The following CYB5R1 variants were observed in gnomAD, a reference collection of about 807,000 sequenced individuals.
The protein encoded by CYB5R1 is cytochrome b5 reductase 1.
A neutral mutation model predicts 37.4 loss-of-function variants in CYB5R1; 32 were observed. The ratio of observed to expected loss-of-function variants is 0.86; its 90% CI spans 0.65 to 1.15. The LOEUF (loss-of-function observed/expected upper bound fraction) is 1.15, where lower values mean the gene tolerates loss of function less well. CYB5R1 is among the 50% of genes most tolerant of loss of function. The pLI is 0.00. For synonymous variants in CYB5R1, 159 were observed against 155.2 expected, an observed-to-expected ratio of 1.02 and a Z score of -0.18; for missense variants, 345 against 382.5, an observed-to-expected ratio of 0.90 and a Z score of 0.82.
At position 202,964,501 on chromosome 1, in the gene CYB5R1, C is replaced by A. The variant is rs557157874; in HGVS notation, c.559+111G>T. 5 of 892,808 alleles carry A rather than the reference C, an allele frequency of 5.6e-6. No homozygotes were observed. The African/African-American group carries it at 6.6e-5, about 12-fold the overall frequency. 55.3% of individuals were successfully genotyped at this position (892,808 alleles called of 1,614,324 possible). On this transcript the variant is annotated intron_variant, in intron 6 of 8. Coordinates refer to ENST00000367249, the MANE Select transcript of CYB5R1 (RefSeq NM_016243.3). ...GGAGTTCTAAGCATTGCTGGAAATC[C>A]CCTGATGAACAACAGCTTGGCTATG...
At chr1:202,966,433 C>T (rs937075065) in intron 3 of CYB5R1, 95 bp downstream of exon 3, 1 of 1,414,214 alleles carries the variant, frequency 7.1e-7, no homozygotes, top group Non-Finnish European at 9.9e-7. Flanking sequence ...GTGTGTGGAG[C>T]AAACCGGTTG....
Position 202,962,394 on chromosome 1 carries a change from T to A in CYB5R1, c.*133A>T. 2.7e-6 allele frequency: 3 copies of A among 1,097,358 alleles called. No individual in the cohort carries two copies. The highest frequency in any genetic ancestry group is 4.8e-5 in the Admixed American group (2 of 41,968). The allele number at this position is 1,097,358 out of a possible 1,614,324, so 68.0% of individuals were successfully genotyped here. A position where few individuals can be genotyped will look rare whatever the true frequency, so the allele number is the denominator to read the frequency against. ...GCTACAGGAATATTGTTCCTGCAGG[T>A]ACTATCCAGATTTCAGCTCTAGATG... is the stretch of plus-strand genomic sequence containing the variant. On this transcript the variant is annotated 3_prime_UTR_variant, in exon 9 of 9. Transcript: ENST00000367249.
At chr1:202,963,804 TTTCATC>T (rs1394563340) in intron 6 of CYB5R1, 77 bp from the exon 7 acceptor site, 3 of 928,870 alleles carry the variant, frequency 3.2e-6, no homozygotes, top group Non-Finnish European at 4.7e-6. Flanking sequence ...TGACCAGCCC[TTTCATC>T]TTCATTCTGC....
chr1:202,963,218 A>C, intron 7 of CYB5R1, 53 bp from the exon 8 acceptor site: 1 of 1,376,500 alleles, frequency 7.3e-7, no homozygotes, highest in Admixed American at 1.8e-5. Context: ...GGCCCACATA[A>C]AAAGTTTTCT....
At chr1:202,966,022 GGTTGTCTGT>G in intron 3 of CYB5R1, 29 bp from the exon 4 acceptor site, 6 of 1,440,030 alleles carry the variant, frequency 4.2e-6, no homozygotes, top group Non-Finnish European at 4.9e-6. Context: ...GCTACATAAG[GGTTGTCTGT>G]GATGTGCTGC....
At position 202,963,569 on chromosome 1, in the gene CYB5R1, C is replaced by T. The variant is rs1655035094; in HGVS notation, c.645+73G>A. On this transcript the variant is annotated intron_variant, in intron 7 of 8. Coordinates refer to ENST00000367249, the MANE Select transcript of CYB5R1 (RefSeq NM_016243.3). ...AACAGGGCACTGGGCCAGTTCTGCCCATCCATACCACGTCTCTCAGCCCTA... is the reference window on the plus strand; with the variant it reads ...AACAGGGCACTGGGCCAGTTCTGCCTATCCATACCACGTCTCTCAGCCCTA... The T allele has an allele frequency of 8.7e-6, 10 of 1,150,708 alleles. 1 individual carries two copies. The Middle Eastern group carries it at 1.2e-3, about 137-fold the overall frequency. 71.3% of individuals were successfully genotyped at this position (1,150,708 alleles called of 1,614,324 possible). A position where few individuals can be genotyped will look rare whatever the true frequency, so the allele number is the denominator to read the frequency against.
Position 202,965,395 on chromosome 1 carries a change from C to T in CYB5R1, c.451G>A (p.Gly151Arg), listed in dbSNP as rs781312449. ...GDVVEFRGPS[G>R]LLTYTGKGHF... Reference sequence around the variant, plus strand: ...CCTTTTCCAGTGTAAGTGAGCAACCCGCTTGGCCCCCGAAACTCCACCACA... The same window carrying T: ...CCTTTTCCAGTGTAAGTGAGCAACCTGCTTGGCCCCCGAAACTCCACCACA... The change falls in exon 5 of 9, where the codon GGG (glycine) becomes AGG (arginine). Residue 151 changes from glycine to arginine, a missense_variant. Coordinates refer to ENST00000367249, the MANE Select transcript of CYB5R1 (RefSeq NM_016243.3). 29 of 1,599,392 alleles carry T rather than the reference C, an allele frequency of 1.8e-5. No individual in the cohort carries two copies. Among genetic ancestry groups the T allele is most frequent in the Non-Finnish European group, 2.2e-5 (26 of 1,173,198 alleles).
chr1:202,962,628 C>T lies in CYB5R1; in HGVS notation c.817G>A (p.Val273Met). 6.2e-7 allele frequency: 1 copy of T among 1,614,196 alleles called. No homozygotes were observed. Among genetic ancestry groups the T allele is most frequent in the South Asian group, 1.1e-5 (1 of 91,084 alleles). Reference sequence around the variant, plus strand: ...GGTGGCCCACAAAGCAGTACCAGCACATCATCCCCTGGAGCGGGCAGGTGT... The same window carrying T: ...GGTGGCCCACAAAGCAGTACCAGCATATCATCCCCTGGAGCGGGCAGGTGT... The part of the protein sequence containing the change: ...REHLPAPGDD[V>M]LVLLCGPPPM... The change falls in exon 9 of 9, where the codon GTG becomes ATG. Residue 273 changes from valine (V) to methionine (M), a missense_variant. Physicochemically the swap from Val to Met is conservative, Grantham distance 21. Transcript: ENST00000367249.
Position 202,963,164 on chromosome 1 carries a change from G to A in CYB5R1, c.647C>T (p.Thr216Ile). 1 of 1,612,028 alleles carries A rather than the reference G, an allele frequency of 6.2e-7. No homozygotes were observed. The highest frequency in any genetic ancestry group is 8.5e-7 in the Non-Finnish European group (1 of 1,178,132). Residue 216 changes from threonine to isoleucine, a missense_variant and splice_region_variant, in exon 8 of 9, where the codon ACA (threonine) becomes ATA (isoleucine). Coordinates refer to ENST00000367249, the MANE Select transcript of CYB5R1 (RefSeq NM_016243.3). ...TQCFLLFANQ[T>I]EKDIILREDL... ...CTCCCGCAAGATGATATCCTTTTCT[G>A]TCTGAAATGCAAAGGGGAAGGAAAG...
intron 7 of CYB5R1, chr1:202,963,398 A>T (rs1655032117): frequency 3.4e-6 from 2 of 595,116 alleles, no homozygotes; most frequent in African/African-American, 3.7e-5. Flanking sequence ...AGAAGATCTA[A>T]GTTTCTGTGC....
chr1:202,964,446 C>T, intron 6 of CYB5R1, 166 bp downstream of exon 6: 10 of 613,100 alleles, frequency 1.6e-5, no homozygotes, highest in South Asian at 4.3e-5. Flanking sequence ...TGGTTTCTAC[C>T]TGCTTATGAT....
rs1655028995 is a variant in CYB5R1 at position 202,963,260 on chromosome 1, G to A, written c.646-95C>T. ...CAACTTTCCAACTAAGAAAAAGAAT[G>A]TTAAGGGAAAGCAAAAGTTCTAGGA... is the stretch of plus-strand genomic sequence containing the variant. On this transcript the variant is annotated intron_variant, in intron 7 of 8. Transcript: ENST00000367249. 7 of 878,638 alleles carry A rather than the reference G, an allele frequency of 8.0e-6. No individual in the cohort carries two copies. In the East Asian group the frequency reaches 1.0e-4, roughly 13 times the overall value. 54.4% of individuals were successfully genotyped at this position (878,638 alleles called of 1,614,324 possible).
At chr1:202,966,319 T>C in intron 3 of CYB5R1, 1 of 619,746 alleles carries the variant, frequency 1.6e-6, no homozygotes, top group Non-Finnish European at 2.9e-6. Flanking sequence ...GGCAAGACTG[T>C]TGAGTGTTAA....
At chr1:202,963,784 G>T in intron 6 of CYB5R1, 57 bp from the exon 7 acceptor site, 1 of 1,223,826 alleles carries the variant, frequency 8.2e-7, no homozygotes, top group African/African-American at 1.5e-5. Flanking sequence ...CCCTGTCCTG[G>T]CTCCTTAGCT....
chr1:202,962,423 C>G lies in CYB5R1; in HGVS notation c.*104G>C. On this transcript the variant is annotated 3_prime_UTR_variant, in exon 9 of 9. Coordinates refer to ENST00000367249, the MANE Select transcript of CYB5R1 (RefSeq NM_016243.3). The stretch of plus-strand genomic sequence containing the variant: ...ATCCAGATTTCAGCTCTAGATGTAA[C>G]TGAAAAAACCTGAAACTCTGAGGAA... The G allele has an allele frequency of 7.2e-7, 1 of 1,389,142 alleles. No homozygotes were observed. Among genetic ancestry groups the G allele is most frequent in the Non-Finnish European group, 9.8e-7 (1 of 1,023,642 alleles). The allele number at this position is 1,389,142 out of a possible 1,614,324, so 86.1% of individuals were successfully genotyped here.
At chr1:202,966,427 G>C in intron 3 of CYB5R1, 101 bp downstream of exon 3, 1 of 1,353,084 alleles carries the variant, frequency 7.4e-7, no homozygotes, top group East Asian at 2.3e-5. Context: ...GGAATGGTGT[G>C]TGGAGCAAAC....
intron 4 of CYB5R1, 52 bp from the exon 5 acceptor site, chr1:202,965,552 G>T: frequency 6.5e-7 from 1 of 1,537,166 alleles, no homozygotes; most frequent in Admixed American, 2.1e-5. Flanking sequence ...TGGTTTCTGA[G>T]CCCCATGTTG....
At position 202,965,909 on chromosome 1, in the gene CYB5R1, C is replaced by G; in HGVS notation, c.323G>C (p.Gly108Ala). The change falls in exon 4 of 9, where the codon GGC (glycine) becomes GCC (alanine). Residue 108 changes from glycine to alanine, a missense_variant. By Grantham distance (60) the Gly-to-Ala change is moderately conservative. Coordinates refer to ENST00000367249, the MANE Select transcript of CYB5R1 (RefSeq NM_016243.3). ...YTPVTSDEDQGYVDLVIKVYL... is the reference protein window; with the variant it reads ...YTPVTSDEDQAYVDLVIKVYL... ...TACCTTGATGACAAGATCCACATAGCCTTGATCCTCATCACTGGTGACAGG... is the reference window on the plus strand; with the variant it reads ...TACCTTGATGACAAGATCCACATAGGCTTGATCCTCATCACTGGTGACAGG... The G allele has an allele frequency of 6.2e-7, 1 of 1,613,252 alleles. No homozygotes were observed. Among genetic ancestry groups the G allele is most frequent in the Non-Finnish European group, 8.5e-7 (1 of 1,179,204 alleles).
chr1:202,962,755 G>A (rs967232813), intron 8 of CYB5R1, 56 bp from the exon 9 acceptor site: 12 of 1,594,114 alleles, frequency 7.5e-6, no homozygotes, highest in Non-Finnish European at 1.0e-5. Context: ...TGGCAAGGGG[G>A]TGTGGTGCCA....
Sources: allele counts gnomAD v4.1 joint callset, GRCh38; gene constraint gnomAD v4.1.1; transcripts MANE v1.5; gene names NCBI Gene and HGNC (gene_info 2026-07-23, HGNC 2026-07-21).